Variants in RBM25 observed in about 807,000 individuals in gnomAD.
The protein encoded by RBM25 is RNA-binding protein 25.
RBM25 carries 19 observed loss-of-function variants against 120.7 expected under a neutral mutation model. That is an observed-to-expected ratio of 0.16 (90% confidence interval 0.11 to 0.23). The LOEUF is 0.23. RBM25 is among the 10% of genes least tolerant of loss of function. The probability of loss-of-function intolerance (pLI) is 1.00; values close to 1 mark genes in which losing one functional copy is unlikely to be tolerated. For synonymous variants in RBM25, 390 were observed against 326.7 expected, an observed-to-expected ratio of 1.19 and a Z score of -2.09; for missense variants, 605 against 1,041.5, an observed-to-expected ratio of 0.58 and a Z score of 5.77.
In RBM25 at chr14:73,087,849, G is replaced by A. The variant is rs983592694; in HGVS notation, c.383-152G>A. The A allele has an allele frequency of 5.8e-6, 4 of 693,320 alleles. No homozygotes were observed. The African/African-American group carries it at 7.3e-5, about 13-fold the overall frequency. The allele number at this position is 693,320 out of a possible 1,614,324, so 42.9% of individuals were successfully genotyped here. The stretch of plus-strand genomic sequence containing the variant: ...GTTTGAGGATACTAAAAGTGAAATG[G>A]TTATCAAAGGGAATTGGTGGACAGG... On this transcript the variant is annotated intron_variant, in intron 5 of 18. Coordinates refer to ENST00000261973, the MANE Select transcript of RBM25 (RefSeq NM_021239.3).
At chr14:73,103,813 C>T (rs994893978) in intron 10 of RBM25, among the ~76,000 whole-genome samples, 5 of 151,968 alleles carry the variant, frequency 3.3e-5, no homozygotes, top group African/African-American at 4.8e-5. Flanking sequence ...CTCAGCCTCC[C>T]TAAGTGCTGG....
At position 73,121,724 on chromosome 14, in the gene RBM25, C is replaced by T. The variant is rs982355410; in HGVS notation, c.*1919C>T. On this transcript the variant is annotated 3_prime_UTR_variant, in exon 19 of 19. Transcript: ENST00000261973. ...GCCACTATTAACATGAAGGTTTATT[C>T]AGGTAGATTTGATTTCCTTTGCTTC... 1 of 152,138 alleles carries T rather than the reference C, an allele frequency of 6.6e-6. No individual in the cohort carries two copies. The highest frequency in any genetic ancestry group is 1.5e-5 in the Non-Finnish European group (1 of 68,022). The allele number at this position is 152,138 out of a possible 1,614,324, so 9.4% of individuals were successfully genotyped here.
At chr14:73,110,128 G>T (rs1002796469) in intron 14 of RBM25, among the ~76,000 whole-genome samples, 1 of 150,452 alleles carries the variant, frequency 6.6e-6, no homozygotes, top group African/African-American at 2.4e-5. Flanking sequence ...CAAGTGATCC[G>T]CCCATCTTGG....
intron 1 of RBM25, among the ~76,000 whole-genome samples, chr14:73,061,084 G>A (rs1894993924): frequency 1.3e-5 from 2 of 148,702 alleles, no homozygotes; most frequent in African/African-American, 4.9e-5. Flanking sequence ...TGGAGATGGA[G>A]TCTCGCTCTG....
intron 11 of RBM25, 49 bp downstream of exon 11, chr14:73,106,130 G>T (rs1363772687): frequency 6.3e-7 from 1 of 1,586,762 alleles, no homozygotes; most frequent in Non-Finnish European, 8.5e-7. Context: ...TCCCTTAATA[G>T]GTTAATCAAT....
At chr14:73,077,967 C>A (rs1158260827) in intron 4 of RBM25, among the ~76,000 whole-genome samples, 1 of 152,082 alleles carries the variant, frequency 6.6e-6, no homozygotes, top group Non-Finnish European at 1.5e-5. Flanking sequence ...GAGTTCGAGA[C>A]CAGCCTGGGC....
At chr14:73,106,604 T>A (rs1197242156) in intron 12 of RBM25, among the ~76,000 whole-genome samples, 1 of 152,178 alleles carries the variant, frequency 6.6e-6, no homozygotes, top group Non-Finnish European at 1.5e-5. Flanking sequence ...ACTGTTGTTA[T>A]TAGATATAAT....
At chr14:73,104,042 C>T (rs1374356712) in intron 10 of RBM25, among the ~76,000 whole-genome samples, 1 of 144,894 alleles carries the variant, frequency 6.9e-6, no homozygotes, top group Non-Finnish European at 1.5e-5. Context: ...TAATAATTTT[C>T]AACTCTGGTT....
At chr14:73,089,943 C>T (rs926829004) in intron 6 of RBM25, among the ~76,000 whole-genome samples, 1 of 152,246 alleles carries the variant, frequency 6.6e-6, no homozygotes, top group South Asian at 2.1e-4. Flanking sequence ...CCACTCCACC[C>T]GGTCAGCATT....
chr14:73,075,029 T>C (rs1895382445), intron 2 of RBM25, among the ~76,000 whole-genome samples: 1 of 151,604 alleles, frequency 6.6e-6, no homozygotes, highest in Non-Finnish European at 1.5e-5. Flanking sequence ...GGAGTTTTGC[T>C]ATGTTTCCTA....
intron 5 of RBM25, among the ~76,000 whole-genome samples, chr14:73,085,704 C>T (rs1895669767): frequency 6.6e-6 from 1 of 152,144 alleles, no homozygotes; most frequent in Non-Finnish European, 1.5e-5. Flanking sequence ...ACCTCAGTCT[C>T]CCAAAGTGCT....
At chr14:73,063,439 G>A (rs1024757674) in intron 1 of RBM25, among the ~76,000 whole-genome samples, 5 of 151,306 alleles carry the variant, frequency 3.3e-5, no homozygotes, top group African/African-American at 7.3e-5. Flanking sequence ...TTGAGCCACC[G>A]CGCCCGGCCC....
At chr14:73,105,038 T>TACACACACACAC (rs57281649) in intron 10 of RBM25, among the ~76,000 whole-genome samples, 6,991 of 141,136 alleles carry the variant, frequency 0.05, 207 homozygotes, top group African/African-American at 0.075. Flanking sequence ...ACATATTAAA[T>TACACACACACAC]ACACACACAC....
Position 73,111,042 on chromosome 14 carries a change from C to G in RBM25, c.1904C>G (p.Pro635Arg). 6.2e-7 allele frequency: 1 copy of G among 1,614,152 alleles called. No homozygotes were observed. Among genetic ancestry groups the G allele is most frequent in the Non-Finnish European group, 8.5e-7 (1 of 1,180,000 alleles). The change falls in exon 15 of 19, where the codon CCT (proline) becomes CGT (arginine). Residue 635 changes from proline (P) to arginine (R), a missense_variant. By Grantham distance (103) the Pro-to-Arg change is moderately radical (BLOSUM62 -2). Transcript: ENST00000261973. ...TCCTCTGCCAGTGGCAATGCAACAC[C>G]TAACACTCCTGGGGATGAGTCTCCC... ...SVSSASGNAT[P>R]NTPGDESPCG...
chr14:73,101,060 A>G (rs1385988142), intron 9 of RBM25: 1 of 152,100 alleles, frequency 6.6e-6, no homozygotes, highest in Admixed American at 6.6e-5. Flanking sequence ...TCAAAAATAT[A>G]TTTGCTTTAA....
At chr14:73,069,679 C>T (rs776101046) in intron 1 of RBM25, among the ~76,000 whole-genome samples, 3 of 142,864 alleles carry the variant, frequency 2.1e-5, no homozygotes, top group Non-Finnish European at 4.5e-5. Flanking sequence ...GTCATGTGTC[C>T]GCCTCGGCCT....
At position 73,109,208 on chromosome 14, in the gene RBM25, AC is replaced by A. The variant is rs1322625405; in HGVS notation, c.1542-133del. 6 of 910,174 alleles carry A rather than the reference AC, an allele frequency of 6.6e-6. No homozygotes were observed. In the African/African-American group the frequency reaches 1.0e-4, roughly 15 times the overall value. 56.4% of individuals were successfully genotyped at this position (910,174 alleles called of 1,614,324 possible). A position where few individuals can be genotyped will look rare whatever the true frequency, so the allele number is the denominator to read the frequency against. On this transcript the variant is annotated intron_variant, in intron 13 of 18. Coordinates refer to ENST00000261973, the MANE Select transcript of RBM25 (RefSeq NM_021239.3). ...GCACACTCTGGTGTGTTCCGTAGAT[AC>A]AGAACATTAAGACATTCTTTAACCT... is the stretch of plus-strand genomic sequence containing the variant.
At chr14:73,100,481 G>A in intron 9 of RBM25, 1 of 492,310 alleles carries the variant, frequency 2.0e-6, no homozygotes, top group Non-Finnish European at 3.7e-6. Flanking sequence ...CACGAGTTTT[G>A]CCTATTTGAA....
intron 10 of RBM25, among the ~76,000 whole-genome samples, chr14:73,104,217 G>T (rs1020442520): frequency 6.6e-6 from 1 of 151,778 alleles, no homozygotes; most frequent in African/African-American, 2.4e-5. Context: ...CGTCTTTTTA[G>T]CCCCTAGCAT....
Sources: gnomAD v4.1 joint callset for allele counts (sites outside exome capture counted in the v4.1 genomes callset) on GRCh38, gnomAD v4.1.1 for gene constraint, MANE v1.5 for transcripts, NCBI Gene and HGNC (gene_info 2026-07-23, HGNC 2026-07-21) for gene names.